SORCS3: variants seen among roughly 807,000 people sequenced by gnomAD.
The protein encoded by SORCS3 is sortilin related VPS10 domain containing receptor 3.
In SORCS3, 57 loss-of-function variants were observed where a neutral mutation model predicts 146.3. The ratio of observed to expected loss-of-function variants is 0.39; its 90% CI spans 0.31 to 0.49. SORCS3 has a LOEUF of 0.49. SORCS3 is among the 20% of genes least tolerant of loss of function. The probability of loss-of-function intolerance (pLI) is 0.92; values close to 1 mark genes in which losing one functional copy is unlikely to be tolerated. For missense variants in SORCS3, 1,341 were observed against 1,575.5 expected (o/e 0.85, Z 2.52); for synonymous variants, 653 against 618.5 (o/e 1.06, Z -0.83).
At chr10:104,672,290 TG>T (rs1350233670) in intron 1 of SORCS3, among the ~76,000 whole-genome samples, 2 of 152,184 alleles carry the variant, frequency 1.3e-5, no homozygotes, top group East Asian at 3.8e-4. Flanking sequence ...TAGTCCTTTT[TG>T]TTTCTGTAGA....
chr10:105,170,630 A>G (rs1453502585), intron 13 of SORCS3, among the ~76,000 whole-genome samples: 1 of 152,184 alleles, frequency 6.6e-6, no homozygotes, highest in African/African-American at 2.4e-5. Context: ...AGAGACCATG[A>G]TTTTTGCTTA....
At chr10:104,943,995 T>C (rs2019345582) in intron 3 of SORCS3, among the ~76,000 whole-genome samples, 1 of 152,084 alleles carries the variant, frequency 6.6e-6, no homozygotes, top group African/African-American at 2.4e-5. Flanking sequence ...CATAGCTCAC[T>C]GCAATCTCAA....
intron 1 of SORCS3, among the ~76,000 whole-genome samples, chr10:104,736,774 CTTTT>C (rs141199251): frequency 2.1e-5 from 3 of 145,896 alleles, no homozygotes; most frequent in African/African-American, 7.5e-5. Context: ...GGCATGTTTT[CTTTT>C]TTTTTTTTTA....
intron 25 of SORCS3, among the ~76,000 whole-genome samples, chr10:105,262,067 T>C (rs1589716442): frequency 6.6e-6 from 1 of 152,194 alleles, no homozygotes; most frequent in Admixed American, 6.5e-5. Flanking sequence ...TTTTTGTTTA[T>C]ACCTTCTTGT....
At chr10:104,924,591 G>A (rs1048891815) in intron 3 of SORCS3, among the ~76,000 whole-genome samples, 26 of 152,170 alleles carry the variant, frequency 1.7e-4, no homozygotes, top group African/African-American at 5.5e-4. Context: ...GCATGACAAA[G>A]GCCAAATGGC....
chr10:105,254,855 T>A (rs1408299272), intron 23 of SORCS3, among the ~76,000 whole-genome samples: 3 of 152,094 alleles, frequency 2.0e-5, no homozygotes, highest in African/African-American at 7.2e-5. Flanking sequence ...CTGTGAATAC[T>A]GTATTTTCCA....
In SORCS3 at chr10:104,704,319, C is replaced by T. The variant is rs544394156; in HGVS notation, c.627+62365C>T. Among the ~76,000 whole-genome samples the T allele has an allele frequency of 3.3e-5, 5 of 152,218 alleles. No individual in the cohort carries two copies. The East Asian group carries it at 9.7e-4, about 29-fold the overall frequency. Reference sequence around the variant, plus strand: ...AGTTGCTGGGACTACAGGTGTGCACCACCATGCCCAGCTATTTTTGTTTGT... The same window carrying T: ...AGTTGCTGGGACTACAGGTGTGCACTACCATGCCCAGCTATTTTTGTTTGT... On this transcript the variant is annotated intron_variant, in intron 1 of 26. Coordinates refer to ENST00000369701, the MANE Select transcript of SORCS3 (RefSeq NM_014978.3).
At chr10:105,258,409 C>T (rs1353890300) in intron 25 of SORCS3, among the ~76,000 whole-genome samples, 3 of 152,192 alleles carry the variant, frequency 2.0e-5, no homozygotes, top group African/African-American at 4.8e-5. Flanking sequence ...AAGAACATTT[C>T]ACTTTTCACT....
intron 1 of SORCS3, among the ~76,000 whole-genome samples, chr10:104,787,541 G>C (rs552445736): frequency 7.9e-5 from 12 of 152,166 alleles, no homozygotes; most frequent in Admixed American, 1.3e-4. Context: ...GTTTGTGCTG[G>C]GGAGTACTTT....
chr10:104,769,045 C>G (rs758287549), intron 1 of SORCS3, among the ~76,000 whole-genome samples: 1 of 152,204 alleles, frequency 6.6e-6, no homozygotes, highest in African/African-American at 2.4e-5. Flanking sequence ...TGTCTCCCCT[C>G]TCCCACCACT....
At chr10:104,707,094 A>G (rs1358191683) in intron 1 of SORCS3, among the ~76,000 whole-genome samples, 1 of 152,186 alleles carries the variant, frequency 6.6e-6, no homozygotes, top group Non-Finnish European at 1.5e-5. Context: ...ATCCACAAGA[A>G]GGAGCAGTGG....
At chr10:105,173,647 G>T (rs917776708) in intron 13 of SORCS3, among the ~76,000 whole-genome samples, 1 of 152,070 alleles carries the variant, frequency 6.6e-6, no homozygotes, top group Non-Finnish European at 1.5e-5. Context: ...AGTGAAACTT[G>T]TCTTTTAAAG....
chr10:104,716,714 A>T (rs1449129293), intron 1 of SORCS3, among the ~76,000 whole-genome samples: 1 of 152,176 alleles, frequency 6.6e-6, no homozygotes. Context: ...AGGACCTTTA[A>T]GATCTGGTTG....
intron 13 of SORCS3, among the ~76,000 whole-genome samples, chr10:105,173,034 C>A (rs553850019): frequency 1.4e-3 from 218 of 152,120 alleles, no homozygotes; most frequent in Admixed American, 2.9e-3. Context: ...AAATTTACAT[C>A]CCTAATTATG....
intron 7 of SORCS3, among the ~76,000 whole-genome samples, chr10:105,138,530 A>G (rs1184034703): frequency 6.6e-6 from 1 of 152,084 alleles, no homozygotes; most frequent in East Asian, 1.9e-4. Flanking sequence ...TTGTCCTGCT[A>G]TTTTCTCTGA....
chr10:105,197,598 G>C (rs925717196), intron 14 of SORCS3, among the ~76,000 whole-genome samples: 3 of 152,134 alleles, frequency 2.0e-5, no homozygotes, highest in Admixed American at 6.5e-5. Context: ...TCAAGATCAC[G>C]TTAAATATTT....
chr10:105,087,869 T>G (rs1424009583), intron 5 of SORCS3, among the ~76,000 whole-genome samples: 1 of 152,232 alleles, frequency 6.6e-6, no homozygotes, highest in Non-Finnish European at 1.5e-5. Flanking sequence ...TACTGACACC[T>G]TGGTCCCATC....
intron 2 of SORCS3, among the ~76,000 whole-genome samples, chr10:104,897,984 A>G (rs2018816181): frequency 6.6e-6 from 1 of 152,190 alleles, no homozygotes; most frequent in Non-Finnish European, 1.5e-5. Context: ...CCATGATTGC[A>G]CATCTGTTCC....
At chr10:104,982,782 A>C (rs1478247363) in intron 4 of SORCS3, among the ~76,000 whole-genome samples, 1 of 152,098 alleles carries the variant, frequency 6.6e-6, no homozygotes, top group African/African-American at 2.4e-5. Context: ...ATAATCAGAG[A>C]TACCCTGTGA....
Sources: gnomAD v4.1 joint callset for allele counts (sites outside exome capture counted in the v4.1 genomes callset) on GRCh38, gnomAD v4.1.1 for gene constraint, MANE v1.5 for transcripts, NCBI Gene and HGNC (gene_info 2026-07-23, HGNC 2026-07-21) for gene names.